The following ZNF385D variants were observed in gnomAD, a reference collection of about 807,000 sequenced individuals.
The protein encoded by ZNF385D is zinc finger protein 659.
Under a neutral mutation model 35.8 loss-of-function variants are expected in ZNF385D, and 15 were observed. That is an observed-to-expected ratio of 0.42 (90% CI 0.28 to 0.64). The LOEUF is 0.64. Among genes scored for constraint, ZNF385D ranks in the 30% least tolerant of loss-of-function variants. ZNF385D has a pLI of 0.23. For missense variants in ZNF385D, 474 were observed against 494.6 expected (o/e 0.96, Z 0.39); for synonymous variants, 212 against 186.8 (o/e 1.13, Z -1.10).
chr3:21,755,480 A>T (rs761422141), upstream of ZNF385D, among the ~76,000 whole-genome samples: 1 of 152,196 alleles, frequency 6.6e-6, no homozygotes, highest in Non-Finnish European at 1.5e-5. Flanking sequence ...TGAAGACTAC[A>T]TTCCCTTTCA....
At chr3:22,058,238 T>C (rs908642120) in intron 3 of ZNF385D, among the ~76,000 whole-genome samples, 6 of 152,244 alleles carry the variant, frequency 3.9e-5, no homozygotes, top group Non-Finnish European at 7.3e-5. Flanking sequence ...TAGAATACTT[T>C]TTGCTTCAAA....
At chr3:21,602,549 G>A (rs1336052640) in intron 2 of ZNF385D, among the ~76,000 whole-genome samples, 15 of 57,106 alleles carry the variant, frequency 2.6e-4, no homozygotes, top group African/African-American at 1.2e-4. Flanking sequence ...TTTTTGAGAC[G>A]GAGTCTTGCT....
At position 21,836,345 on chromosome 3, in the gene ZNF385D, A is replaced by T. The variant is rs74626197; in HGVS notation, c.326-171317T>A. Reference sequence around the variant, plus strand: ...TGTTCTCTAGCTCTCTCTTCCCCTCATCTCTTACCCTAAGCAAACTTAGGA... The same window carrying T: ...TGTTCTCTAGCTCTCTCTTCCCCTCTTCTCTTACCCTAAGCAAACTTAGGA... On this transcript the variant is annotated intron_variant, in intron 3 of 5. Transcript: ENST00000494108. Among the ~76,000 whole-genome samples the T allele has an allele frequency of 2.6e-3, 402 of 152,218 alleles. 1 individual carries two copies. The highest frequency in any genetic ancestry group is 9.1e-3 in the African/African-American group (380 of 41,558).
chr3:21,642,612 A>G (rs1216265358), intron 2 of ZNF385D, among the ~76,000 whole-genome samples: 2 of 152,284 alleles, frequency 1.3e-5, no homozygotes, highest in South Asian at 2.1e-4. Flanking sequence ...TATACTTAAC[A>G]GTATCGAAAG....
chr3:21,468,639 G>C (rs955418939), intron 4 of ZNF385D, among the ~76,000 whole-genome samples: 4 of 151,788 alleles, frequency 2.6e-5, no homozygotes, highest in African/African-American at 7.3e-5. Flanking sequence ...AGAATACGTA[G>C]TATGGGCAGG....
chr3:22,134,453 T>G (rs77296777), intron 3 of ZNF385D: 2 of 152,236 alleles, frequency 1.3e-5, no homozygotes, highest in East Asian at 3.9e-4. Flanking sequence ...TTAAAACTAC[T>G]AGACAGAAAA....
chr3:21,436,944 A>G (rs777759594), intron 5 of ZNF385D, 26 bp downstream of exon 5: 2 of 1,604,784 alleles, frequency 1.2e-6, no homozygotes, highest in Admixed American at 3.4e-5. Context: ...AGCTGTTGAA[A>G]CAAAAAAGAA....
Position 22,195,919 on chromosome 3 carries a change from G to A in ZNF385D, c.107-26884C>T, listed in dbSNP as rs1269150993. 2.0e-5 allele frequency among the ~76,000 whole-genome samples: 3 copies of A among 151,948 alleles called. 1 individual carries two copies. Among genetic ancestry groups the A allele is most frequent in the Non-Finnish European group, 4.4e-5 (3 of 67,960 alleles). On this transcript the variant is annotated intron_variant, in intron 2 of 5. Coordinates refer to the ZNF385D transcript ENST00000494108. ...GTATCATCCTTAGCAAACTAACACAGGAACAGTAAACCAAATACTGCATGT... is the reference window on the plus strand; with the variant it reads ...GTATCATCCTTAGCAAACTAACACAAGAACAGTAAACCAAATACTGCATGT...
intron 3 of ZNF385D, among the ~76,000 whole-genome samples, chr3:22,111,885 T>C (rs963273918): frequency 2.8e-4 from 42 of 152,130 alleles, no homozygotes; most frequent in African/African-American, 9.4e-4. Context: ...AACAAACTAC[T>C]GAGAAGTGAA....
At chr3:21,447,823 T>C (rs1402361627) in intron 4 of ZNF385D, among the ~76,000 whole-genome samples, 2 of 152,170 alleles carry the variant, frequency 1.3e-5, no homozygotes, top group African/African-American at 4.8e-5. Flanking sequence ...TCTAGAATCC[T>C]GTTAGGCAGC....
intron 3 of ZNF385D, among the ~76,000 whole-genome samples, chr3:21,991,689 G>A (rs1335832701): frequency 6.6e-6 from 1 of 152,120 alleles, no homozygotes; most frequent in Non-Finnish European, 1.5e-5. Context: ...GGAGGTAAAG[G>A]GCAGCTGCAG....
At chr3:22,175,862 G>A (rs1191475344) in intron 2 of ZNF385D, among the ~76,000 whole-genome samples, 1 of 149,322 alleles carries the variant, frequency 6.7e-6, no homozygotes, top group Non-Finnish European at 1.5e-5. Context: ...CTATATTCAA[G>A]ACTAATGTAG....
At chr3:21,599,288 C>G (rs2064214206) in intron 2 of ZNF385D, among the ~76,000 whole-genome samples, 1 of 152,140 alleles carries the variant, frequency 6.6e-6, no homozygotes. Flanking sequence ...AAATCAAAAT[C>G]ATAGTGTTTG....
intron 3 of ZNF385D, among the ~76,000 whole-genome samples, chr3:22,087,025 A>G (rs1054806247): frequency 6.6e-6 from 1 of 152,190 alleles, no homozygotes; most frequent in Non-Finnish European, 1.5e-5. Context: ...TGGCACACGC[A>G]TACATATGTA....
intron 3 of ZNF385D, among the ~76,000 whole-genome samples, chr3:21,827,494 T>C (rs1016193060): frequency 6.6e-6 from 1 of 152,182 alleles, no homozygotes; most frequent in Non-Finnish European, 1.5e-5. Context: ...TCTCTTATAG[T>C]AGGTTACTGG....
chr3:22,290,206 T>G (rs56005813), intron 2 of ZNF385D, among the ~76,000 whole-genome samples: 8,166 of 152,180 alleles, frequency 0.054, 335 homozygotes, highest in Non-Finnish European at 0.072. Flanking sequence ...ACGGGGAAGC[T>G]GGGTGTTGGG....
At chr3:21,786,749 G>T (rs1255000174) in intron 3 of ZNF385D, among the ~76,000 whole-genome samples, 20 of 152,074 alleles carry the variant, frequency 1.3e-4, no homozygotes, top group Non-Finnish European at 7.4e-5. Flanking sequence ...TTATGCTTTT[G>T]CCATGTCCGT....
intron 3 of ZNF385D, among the ~76,000 whole-genome samples, chr3:21,792,002 G>C (rs1000104655): frequency 6.6e-6 from 1 of 152,124 alleles, no homozygotes; most frequent in Non-Finnish European, 1.5e-5. Context: ...CAAAGTGCTG[G>C]GATTCCAGGC....
chr3:21,534,472 A>T (rs2061992599), intron 3 of ZNF385D, among the ~76,000 whole-genome samples: 1 of 152,062 alleles, frequency 6.6e-6, no homozygotes. Context: ...TTGGAACTAA[A>T]CTGAACTTTC....
Sources: gnomAD v4.1 joint callset for allele counts (sites outside exome capture counted in the v4.1 genomes callset) on GRCh38, gnomAD v4.1.1 for gene constraint, MANE v1.5 for transcripts, NCBI Gene and HGNC (gene_info 2026-07-23, HGNC 2026-07-21) for gene names.